The following ZC3H12B variants were observed in gnomAD, a reference collection of about 807,000 sequenced individuals.
The protein encoded by ZC3H12B is probable ribonuclease ZC3H12B.
In ZC3H12B, 7 loss-of-function variants were observed where a neutral mutation model predicts 43.9. That is an observed-to-expected ratio of 0.16 (90% CI 0.09 to 0.30). ZC3H12B has a LOEUF of 0.30. Ranked by LOEUF, ZC3H12B falls within the 10% of genes least tolerant of loss-of-function variation. The probability of loss-of-function intolerance (pLI) is 1.00; values close to 1 mark genes in which losing one functional copy is unlikely to be tolerated. For synonymous variants in ZC3H12B, 222 were observed against 241.7 expected, an observed-to-expected ratio of 0.92 and a Z score of 0.76; for missense variants, 475 against 670.2, an observed-to-expected ratio of 0.71 and a Z score of 3.22.
At chrX:65,143,242 GGTTTTTTT>G in the ZC3H12B span, among the ~76,000 whole-genome samples, 1 of 111,000 alleles carries the variant, frequency 9.0e-6, no homozygotes, top group East Asian at 2.8e-4. Flanking sequence ...ATATTCTTAA[GGTTTTTTT>G]GTTTCTTTGT....
the ZC3H12B span, among the ~76,000 whole-genome samples, chrX:65,233,727 AG>A: frequency 9.0e-6 from 1 of 111,233 alleles, no homozygotes; most frequent in African/African-American, 3.3e-5. Context: ...AGTTAGTAGA[AG>A]AAATAATAAC....
the ZC3H12B span, among the ~76,000 whole-genome samples, chrX:65,195,527 T>A: frequency 8.9e-6 from 1 of 112,502 alleles, no homozygotes; most frequent in East Asian, 2.8e-4. Context: ...GTACTATCTA[T>A]GTATATCTTA....
chrX:65,403,832 A>G (rs2066791597), intron 3 of ZC3H12B, among the ~76,000 whole-genome samples: 1 of 111,892 alleles, frequency 8.9e-6, no homozygotes, highest in Non-Finnish European at 1.9e-5. Flanking sequence ...AAGGGAGTAC[A>G]TCAATCAGAA....
chrX:65,119,799 A>G, the ZC3H12B span, among the ~76,000 whole-genome samples: 7 of 111,952 alleles, frequency 6.3e-5, no homozygotes, highest in Admixed American at 6.6e-4. Flanking sequence ...TTAAGTCTTT[A>G]ATCCATCCTG....
the ZC3H12B span, among the ~76,000 whole-genome samples, chrX:65,195,801 C>G: frequency 8.9e-6 from 1 of 112,033 alleles, no homozygotes; most frequent in African/African-American, 3.2e-5. Flanking sequence ...ACACCTTTGT[C>G]CTACTGAGTT....
At chrX:65,139,241 T>C in the ZC3H12B span, among the ~76,000 whole-genome samples, 10 of 112,475 alleles carry the variant, frequency 8.9e-5, no homozygotes, top group African/African-American at 2.9e-4. Context: ...TTTAAATCTT[T>C]AATCCATTCG....
At chrX:65,501,320 C>G (rs1442910870) in intron 4 of ZC3H12B, among the ~76,000 whole-genome samples, 1 of 101,394 alleles carries the variant, frequency 9.9e-6, no homozygotes, top group East Asian at 3.1e-4. Flanking sequence ...GGCATGATCA[C>G]GGCTCACTGC....
In ZC3H12B at chrX:65,370,751, T is replaced by A. The variant is rs765691427; in HGVS notation, n.295+1753T>A. On this transcript the variant is annotated intron_variant and non_coding_transcript_variant, in intron 2 of 5. Transcript: ENST00000617377. ...TCTAGGTCATTCTCTTTGTGAAAAG[T>A]AATCTACCACCAAGGAGAAGCCTGC... Among the ~76,000 whole-genome samples the A allele has an allele frequency of 1.4e-3, 153 of 111,937 alleles. 1 individual carries two copies. Among genetic ancestry groups the A allele is most frequent in the African/African-American group, 4.9e-3 (150 of 30,865 alleles).
the ZC3H12B span, among the ~76,000 whole-genome samples, chrX:65,153,169 A>G: frequency 1.8e-5 from 2 of 112,196 alleles, no homozygotes; most frequent in Admixed American, 9.5e-5. Context: ...GGACATAGGC[A>G]TGGGCAAGGA....
the ZC3H12B span, among the ~76,000 whole-genome samples, chrX:65,351,947 T>C: frequency 3.6e-5 from 4 of 112,232 alleles, no homozygotes; most frequent in Admixed American, 1.9e-4. Context: ...TAACATTTGA[T>C]CCAGCAGTCT....
At chrX:65,407,575 C>T (rs954980504) in intron 3 of ZC3H12B, among the ~76,000 whole-genome samples, 3 of 113,553 alleles carry the variant, frequency 2.6e-5, no homozygotes, top group African/African-American at 9.6e-5. Flanking sequence ...TAGCGGGGGC[C>T]GCCGCGCCAC....
rs539936063 is a variant in ZC3H12B, at chrX:65,502,412, C to T, written c.1714C>T (p.Arg572Trp). Residue 572 changes from arginine to tryptophan, a missense_variant, in exon 5 of 5, where the codon CGG becomes TGG. Physicochemically the swap from Arg to Trp is moderately radical, Grantham distance 101 (BLOSUM62 -3). Around this residue, in one of 3 missense-constraint regions of ZC3H12B, gnomAD observed 289 missense variants for 359.9 expected, o/e 0.80. Transcript: ENST00000338957. ...AGAGTATTACATGGCTGAAGTAGAC[C>T]GGGGGGTGTATGCCCGGAATCCTAA... 212 of 1,208,803 alleles carry T rather than the reference C, an allele frequency of 1.8e-4. 2 individuals are homozygous for T. The South Asian group carries it at 3.5e-3, about 20-fold the overall frequency.
At chrX:65,406,703 G>A (rs913284867) in intron 3 of ZC3H12B, among the ~76,000 whole-genome samples, 2 of 111,161 alleles carry the variant, frequency 1.8e-5, no homozygotes, top group Non-Finnish European at 3.8e-5. Context: ...CCAGAGGCGC[G>A]GGCGGCGGCG....
chrX:65,267,267 T>A, the ZC3H12B span, among the ~76,000 whole-genome samples: 1 of 107,055 alleles, frequency 9.3e-6, no homozygotes, highest in Non-Finnish European at 1.9e-5. Context: ...GCTGCTAAGC[T>A]GACAAAACAC....
At chrX:65,257,015 C>T in the ZC3H12B span, among the ~76,000 whole-genome samples, 1 of 112,122 alleles carries the variant, frequency 8.9e-6, no homozygotes, top group African/African-American at 3.3e-5. Flanking sequence ...GGACTGTAAA[C>T]TAGTTCAACA....
chrX:65,369,914 C>T lies in ZC3H12B; in HGVS notation n.295+916C>T, dbSNP rs749223513. Among the ~76,000 whole-genome samples, 5 of 111,199 alleles carry T rather than the reference C, an allele frequency of 4.5e-5. No individual in the cohort carries two copies. In the South Asian group the frequency reaches 1.5e-3, roughly 34 times the overall value. ...ACTTGATCAGTCTAAGCAATTGAAG[C>T]CTCTTCTTATAATTTAGGAGTATTT... On this transcript the variant is annotated intron_variant and non_coding_transcript_variant, in intron 2 of 5. Transcript: ENST00000617377.
the ZC3H12B span, among the ~76,000 whole-genome samples, chrX:65,255,674 C>T: frequency 9.0e-6 from 1 of 111,696 alleles, no homozygotes; most frequent in African/African-American, 3.3e-5. Context: ...AGAATCACAC[C>T]CATACCTGTC....
intron 2 of ZC3H12B, among the ~76,000 whole-genome samples, chrX:65,382,092 A>T (rs111775959): frequency 4.5e-5 from 5 of 112,090 alleles, no homozygotes; most frequent in Non-Finnish European, 9.4e-5. Flanking sequence ...ATCCTCCCTA[A>T]TTCGTTTTAT....
the ZC3H12B span, among the ~76,000 whole-genome samples, chrX:65,112,648 C>T: frequency 9.0e-6 from 1 of 111,723 alleles, no homozygotes; most frequent in East Asian, 2.9e-4. Context: ...ACTATAAAGC[C>T]TGGATGACAG....
Sources: allele counts gnomAD v4.1 joint callset (sites outside exome capture counted in the v4.1 genomes callset), GRCh38; gene constraint gnomAD v4.1.1; regional missense constraint gnomAD v4.1.1; transcripts MANE v1.5; gene names NCBI Gene and HGNC (gene_info 2026-07-23, HGNC 2026-07-21).